The following AVIL variants were observed in gnomAD, a reference collection of about 807,000 sequenced individuals.
AVIL encodes advillin.
AVIL carries 78 observed loss-of-function variants against 109.9 expected under a neutral mutation model. That is an observed-to-expected ratio of 0.71 (90% confidence interval 0.59 to 0.86). The LOEUF is 0.86. Among genes scored for constraint, AVIL ranks in the 40% least tolerant of loss-of-function variants. AVIL has a pLI of 0.00. For missense variants in AVIL, 892 were observed against 1,016.5 expected, an observed-to-expected ratio of 0.88 and a Z score of 1.67; for synonymous variants, 367 against 379.1, an observed-to-expected ratio of 0.97 and a Z score of 0.37.
At chr12:57,807,262 T>A in intron 13 of AVIL, 69 bp downstream of exon 13, 4 of 1,574,336 alleles carry the variant, frequency 2.5e-6, no homozygotes, top group South Asian at 1.1e-5. Context: ...TGCTCTCCAA[T>A]AGTCCTGTGC....
rs755525982 is a variant in AVIL, at chr12:57,808,501, G to A, written c.987C>T (p.Thr329=). Reference sequence around the variant, plus strand: ...TGGCCGACTCAGCACCATCGTTGACGGTCTCCACATTGGTGCTGCTGGGGT... The same window carrying A: ...TGGCCGACTCAGCACCATCGTTGACAGTCTCCACATTGGTGCTGCTGGGGT... The part of the protein sequence containing the change: ...KSYPSSTNVE[T]VNDGAESAMF... The change falls in exon 10 of 20, where the codon ACC becomes ACT. Residue 329 remains threonine, a synonymous_variant. Transcript: ENST00000549994. 20 of 1,613,968 alleles carry A rather than the reference G, an allele frequency of 1.2e-5. No individual in the cohort carries two copies. Among genetic ancestry groups the A allele is most frequent in the East Asian group, 4.5e-5 (2 of 44,882 alleles).
intron 9 of AVIL, among the ~76,000 whole-genome samples, 163 bp downstream of exon 9, chr12:57,809,434 C>G (rs918564698): frequency 6.6e-6 from 1 of 152,252 alleles, no homozygotes; most frequent in African/African-American, 2.4e-5. Flanking sequence ...CTGGAAAAGA[C>G]AAAACCTGGA....
intron 14 of AVIL, chr12:57,803,912 T>C: frequency 2.5e-6 from 1 of 405,986 alleles, no homozygotes; most frequent in South Asian, 9.4e-5. Flanking sequence ...CACCTTTGTT[T>C]CAGCTTCAGT....
intron 18 of AVIL, 54 bp from the exon 19 acceptor site, chr12:57,799,974 G>T (rs1261841566): frequency 6.2e-7 from 1 of 1,603,314 alleles, no homozygotes; most frequent in East Asian, 2.2e-5. Context: ...TGTCTGTGTG[G>T]TTACAGTTCT....
chr12:57,802,192 A>G lies in AVIL; in HGVS notation c.2119T>C (p.Trp707Arg). 1 of 1,614,012 alleles carries G rather than the reference A, an allele frequency of 6.2e-7. No homozygotes were observed. Among genetic ancestry groups the G allele is most frequent in the Non-Finnish European group, 8.5e-7 (1 of 1,179,896 alleles). ...ATGTTAGGGTCCCAGGCTAGGAACCAGCCTGTGAAGATGGGAGGCTCAAAC... is the reference window on the plus strand; with the variant it reads ...ATGTTAGGGTCCCAGGCTAGGAACCGGCCTGTGAAGATGGGAGGCTCAAAC... ...QGFEPPIFTGWFLAWDPNIWS... is the reference protein window; with the variant it reads ...QGFEPPIFTGRFLAWDPNIWS... Residue 707 changes from tryptophan to arginine, a missense_variant, in exon 17 of 20, where the codon TGG (tryptophan) becomes CGG (arginine). Physicochemically the swap from Trp to Arg is moderately radical, Grantham distance 101 (BLOSUM62 -3). Transcript: ENST00000549994.
At chr12:57,798,176 G>C (rs1826318674) in intron 19 of AVIL, among the ~76,000 whole-genome samples, 181 bp from the exon 20 acceptor site, 1 of 152,218 alleles carries the variant, frequency 6.6e-6, no homozygotes, top group Admixed American at 6.5e-5. Flanking sequence ...CTTCAGGTCA[G>C]GGAGTCCCAT....
In AVIL at chr12:57,816,131, G is replaced by A. The variant is rs555195157; in HGVS notation, c.-19-72C>T. The A allele has an allele frequency of 2.2e-5, 29 of 1,308,076 alleles. No homozygotes were observed. In the South Asian group the frequency reaches 2.9e-4, roughly 13 times the overall value. 81.0% of individuals were successfully genotyped at this position (1,308,076 alleles called of 1,614,324 possible). A position where few individuals can be genotyped will look rare whatever the true frequency, so the allele number is the denominator to read the frequency against. On this transcript the variant is annotated intron_variant, in intron 1 of 19. Transcript: ENST00000549994. Reference sequence around the variant, plus strand: ...TGGGCATCAATCCAGTTTTTCTGCCGAGCTGCTTCCCAGTCTGTTGTCAGC... The same window carrying A: ...TGGGCATCAATCCAGTTTTTCTGCCAAGCTGCTTCCCAGTCTGTTGTCAGC...
intron 16 of AVIL, chr12:57,802,924 C>A: frequency 1.9e-6 from 1 of 536,112 alleles, no homozygotes; most frequent in East Asian, 3.0e-5. Flanking sequence ...CTTTGTTCCC[C>A]CAAAGGCCCA....
rs749943277 is a variant in AVIL at position 57,809,689 on chromosome 12, A to T, written c.847T>A (p.Tyr283Asn). The T allele has an allele frequency of 1.2e-6, 2 of 1,614,176 alleles. No homozygotes were observed. Among genetic ancestry groups the T allele is most frequent in the Non-Finnish European group, 1.7e-6 (2 of 1,180,038 alleles). Residue 283 changes from tyrosine (Y) to asparagine (N), a missense_variant, in exon 9 of 20, where the codon TAC becomes AAC. Transcript: ENST00000549994. ...VQDLLNHDDC[Y>N]ILDQSGTKIY... is the part of the protein sequence containing the mutation. ...TTGGTTCCACTTTGGTCCAGGATGTAGCAGTCCTAAAGCAGCCAGAGATAG... is the reference window on the plus strand; with the variant it reads ...TTGGTTCCACTTTGGTCCAGGATGTTGCAGTCCTAAAGCAGCCAGAGATAG...
rs1956007047 is a variant in AVIL at position 57,809,613 on chromosome 12, G to C, written c.923C>G (p.Ala308Gly). The change falls in exon 9 of 20, where the codon GCC becomes GGC. Residue 308 changes from alanine to glycine, a missense_variant. Ala to Gly is a moderately conservative substitution (Grantham distance 60). Transcript: ENST00000549994. ...AGCTCCTACCAGCGCTTTAGACATG[G>C]CTGCCTGTTTTTCAGCCTTTGTGGC... ...KGATKAEKQA[A>G]MSKALGFIKM... The C allele has an allele frequency of 6.2e-7, 1 of 1,614,210 alleles. No homozygotes were observed. The highest frequency in any genetic ancestry group is 1.3e-5 in the African/African-American group (1 of 75,044).
chr12:57,802,441 C>T lies in AVIL; in HGVS notation c.1963-93G>A, dbSNP rs1053528636. 57 of 1,425,042 alleles carry T rather than the reference C, an allele frequency of 4.0e-5. No homozygotes were observed. The East Asian group carries it at 4.2e-4, about 11-fold the overall frequency. 88.3% of individuals were successfully genotyped at this position (1,425,042 alleles called of 1,614,324 possible). A position where few individuals can be genotyped will look rare whatever the true frequency, so the allele number is the denominator to read the frequency against. On this transcript the variant is annotated intron_variant, in intron 16 of 19. Transcript: ENST00000549994. ...ATTACCCTATCTTTCCCCTTTCTTT[C>T]GTGAGCAATTCACAGCCTCAGAAAA... is the stretch of plus-strand genomic sequence containing the variant.
intron 19 of AVIL, among the ~76,000 whole-genome samples, chr12:57,799,045 T>A (rs1289061883): frequency 6.6e-6 from 1 of 152,174 alleles, no homozygotes; most frequent in East Asian, 1.9e-4. Flanking sequence ...CAAACAAAGG[T>A]CCTTCCTTTT....
In AVIL at chr12:57,802,320, T is replaced by C; in HGVS notation, c.1991A>G (p.Asn664Ser). 1 of 1,613,464 alleles carries C rather than the reference T, an allele frequency of 6.2e-7. No homozygotes were observed. Among genetic ancestry groups the C allele is most frequent in the Non-Finnish European group, 8.5e-7 (1 of 1,179,696 alleles). Residue 664 changes from asparagine (N) to serine (S), a missense_variant, in exon 17 of 20, where the codon AAT becomes AGT. Asn to Ser is a conservative substitution (Grantham distance 46). Coordinates refer to ENST00000549994, the MANE Select transcript of AVIL (RefSeq NM_006576.4). ...QVFLWIGAEA[N>S]ATEKESALAT... is the part of the protein sequence containing the mutation. The stretch of plus-strand genomic sequence containing the variant: ...AAGGGCACTCTCCTTCTCCGTGGCA[T>C]TGGCCTCAGCCCCAATCCACAAGAA...
intron 18 of AVIL, among the ~76,000 whole-genome samples, chr12:57,800,854 C>T (rs535477655): frequency 1.3e-5 from 2 of 152,314 alleles, no homozygotes; most frequent in East Asian, 3.9e-4. Context: ...GTGATCCACC[C>T]GCCTTGGCCT....
At chr12:57,812,119 G>T (rs1316075251) in intron 4 of AVIL, among the ~76,000 whole-genome samples, 2 of 152,130 alleles carry the variant, frequency 1.3e-5, no homozygotes, top group African/African-American at 4.8e-5. Flanking sequence ...CTGCAGGCTC[G>T]ATAATTGAGG....
chr12:57,799,841 T>C lies in AVIL; in HGVS notation c.2300A>G (p.Asn767Ser). Residue 767 changes from asparagine (N) to serine (S), a missense_variant, in exon 19 of 20, where the codon AAC (asparagine) becomes AGC (serine). Physicochemically the swap from Asn to Ser is conservative, Grantham distance 46. Transcript: ENST00000549994. ...KYYPIAVLLK[N>S]QNQELPEDVN... is the part of the protein sequence containing the mutation. Reference sequence around the variant, plus strand: ...ATCCTCAGGCAGCTCCTGATTCTGGTTTTTCAACAGAACTGCTATAGGGTA... The same window carrying C: ...ATCCTCAGGCAGCTCCTGATTCTGGCTTTTCAACAGAACTGCTATAGGGTA... The C allele has an allele frequency of 6.2e-7, 1 of 1,614,102 alleles. No homozygotes were observed. The highest frequency in any genetic ancestry group is 1.7e-5 in the Admixed American group (1 of 59,994).
chr12:57,806,513 G>T lies in AVIL; in HGVS notation c.1518C>A (p.Ala506=), dbSNP rs766484991. The T allele has an allele frequency of 1.2e-6, 2 of 1,613,980 alleles. No individual in the cohort carries two copies. The highest frequency in any genetic ancestry group is 8.5e-7 in the Non-Finnish European group (1 of 1,180,030). The part of the protein sequence containing the change: ...FEGGTSRKGN[A]EPDPPVRLFQ... ...AGAGTCTTACTGGAGGGTCAGGCTC[G>T]GCATTTCCCTTCCTGGAAGTCCCAC... Residue 506 remains alanine, a synonymous_variant, in exon 14 of 20, where the codon GCC becomes GCA. Coordinates refer to ENST00000549994, the MANE Select transcript of AVIL (RefSeq NM_006576.4).
chr12:57,807,532 C>G (rs370704064), intron 12 of AVIL, 43 bp from the exon 13 acceptor site: 32 of 1,614,132 alleles, frequency 2.0e-5, no homozygotes, highest in Non-Finnish European at 2.5e-5. Flanking sequence ...CTCCCCGCCC[C>G]AGCCCAGTGG....
intron 1 of AVIL, among the ~76,000 whole-genome samples, chr12:57,818,243 G>A (rs1197062555): frequency 7.9e-6 from 1 of 125,930 alleles, no homozygotes; most frequent in Admixed American, 9.7e-5. Context: ...ATGTTGCCCA[G>A]GATGGTCACA....
Sources: allele counts gnomAD v4.1 joint callset (sites outside exome capture counted in the v4.1 genomes callset), GRCh38; gene constraint gnomAD v4.1.1; transcripts MANE v1.5; gene names NCBI Gene and HGNC (gene_info 2026-07-23, HGNC 2026-07-21).